Variants in CDH6 observed in about 807,000 individuals in gnomAD.
CDH6 encodes the protein cadherin 6.
A neutral mutation model predicts 78.0 loss-of-function variants in CDH6; 31 were observed. That is an observed-to-expected ratio of 0.40 (90% CI 0.30 to 0.54). The LOEUF (loss-of-function observed/expected upper bound fraction) is 0.54. Ranked by LOEUF, CDH6 falls within the 20% of genes least tolerant of loss-of-function variation. The probability of loss-of-function intolerance (pLI) is 0.56; values close to 1 mark genes in which losing one functional copy is unlikely to be tolerated. For missense variants in CDH6, 724 were observed against 975.9 expected, an observed-to-expected ratio of 0.74 and a Z score of 3.44; for synonymous variants, 376 against 368.8, an observed-to-expected ratio of 1.02 and a Z score of -0.23.
intron 1 of CDH6, among the ~76,000 whole-genome samples, chr5:31,224,991 T>TG (rs1386909228): frequency 6.6e-6 from 1 of 152,228 alleles, no homozygotes; most frequent in Non-Finnish European, 1.5e-5. Context: ...CATTTGGCAA[T>TG]ACCTGGAGGC....
intron 3 of CDH6, among the ~76,000 whole-genome samples, chr5:31,295,476 A>T (rs1409129335): frequency 2.6e-5 from 4 of 152,172 alleles, no homozygotes; most frequent in Non-Finnish European, 5.9e-5. Flanking sequence ...GCCATTATAG[A>T]ATTAAATTTG....
intron 1 of CDH6, among the ~76,000 whole-genome samples, chr5:31,208,678 T>A (rs957267015): frequency 4.9e-4 from 74 of 152,350 alleles, no homozygotes; most frequent in African/African-American, 1.7e-3. Flanking sequence ...TTTAGTTTGT[T>A]ATCAACCCAT....
intron 1 of CDH6, among the ~76,000 whole-genome samples, chr5:31,247,043 AC>A (rs1741771341): frequency 6.6e-6 from 1 of 152,116 alleles, no homozygotes; most frequent in Admixed American, 6.5e-5. Context: ...GAGCTACCGC[AC>A]CCGGCCTAAA....
chr5:31,253,526 A>T (rs1190602304), intron 1 of CDH6, among the ~76,000 whole-genome samples: 1 of 152,120 alleles, frequency 6.6e-6, no homozygotes, highest in Non-Finnish European at 1.5e-5. Flanking sequence ...GCAGAGTGAG[A>T]ACAGAGTAAT....
intron 1 of CDH6, among the ~76,000 whole-genome samples, chr5:31,195,111 T>C (rs563021932): frequency 2.0e-5 from 3 of 152,062 alleles, no homozygotes; most frequent in South Asian, 2.1e-4. Flanking sequence ...TAAATGATGA[T>C]AGTCATACTA....
At position 31,299,561 on chromosome 5, in the gene CDH6, A is replaced by G. The variant is rs1353283438; in HGVS notation, c.741A>G (p.Gly247=). ...QAKDMGGQMG[G]LSGTTTVNIT... ...AGGATATGGGCGGCCAGATGGGAGG[A>G]TTATCTGGGACCACCACCGTGAACA... Residue 247 remains glycine (G), a synonymous_variant, in exon 5 of 12, where the codon GGA becomes GGG. Transcript: ENST00000265071. 1 of 1,613,592 alleles carries G rather than the reference A, an allele frequency of 6.2e-7. No individual in the cohort carries two copies.
chr5:31,251,113 G>A (rs1741897059), intron 1 of CDH6: 1 of 152,210 alleles, frequency 6.6e-6, no homozygotes, highest in African/African-American at 2.4e-5. Flanking sequence ...GACAAACAAT[G>A]CACACACTGT....
intron 1 of CDH6, chr5:31,251,251 A>G (rs1561042829): frequency 6.6e-6 from 1 of 152,210 alleles, no homozygotes; most frequent in South Asian, 2.1e-4. Flanking sequence ...GATTGTTGCA[A>G]AGCTCTCTAC....
chr5:31,199,738 C>T (rs1247806418), intron 1 of CDH6, among the ~76,000 whole-genome samples: 7 of 127,826 alleles, frequency 5.5e-5, no homozygotes, highest in African/African-American at 2.0e-4. Context: ...AAAGCACTCA[C>T]CAGTATCTTG....
At chr5:31,246,565 T>C (rs1163643209) in intron 1 of CDH6, among the ~76,000 whole-genome samples, 2 of 152,126 alleles carry the variant, frequency 1.3e-5, no homozygotes, top group African/African-American at 4.8e-5. Context: ...AAGCCCAGGA[T>C]TGTGCAAGAG....
At chr5:31,254,269 T>G (rs1399551866) in intron 1 of CDH6, among the ~76,000 whole-genome samples, 2 of 152,194 alleles carry the variant, frequency 1.3e-5, no homozygotes, top group African/African-American at 4.8e-5. Context: ...TACCAGCCAT[T>G]TGGAAATGCC....
intron 2 of CDH6, among the ~76,000 whole-genome samples, chr5:31,271,801 G>A (rs77309615): frequency 6.6e-6 from 1 of 152,248 alleles, no homozygotes; most frequent in African/African-American, 2.4e-5. Flanking sequence ...CAATCTGAAT[G>A]AATCAGAAAT....
chr5:31,256,485 C>T (rs927134092), intron 1 of CDH6, among the ~76,000 whole-genome samples: 2 of 152,128 alleles, frequency 1.3e-5, no homozygotes, highest in African/African-American at 4.8e-5. Flanking sequence ...AGTGTAACTC[C>T]GACTCCATGG....
At chr5:31,286,554 T>G (rs1743016597) in intron 2 of CDH6, among the ~76,000 whole-genome samples, 1 of 151,924 alleles carries the variant, frequency 6.6e-6, no homozygotes, top group African/African-American at 2.4e-5. Context: ...CCAGGAGAGT[T>G]AAGGGGAGAA....
intron 1 of CDH6, among the ~76,000 whole-genome samples, chr5:31,262,659 C>T (rs974682709): frequency 1.3e-5 from 2 of 152,172 alleles, no homozygotes; most frequent in African/African-American, 4.8e-5. Context: ...GGTTCAACAT[C>T]TACTTCGTTT....
At chr5:31,229,327 A>G (rs1741249271) in intron 1 of CDH6, among the ~76,000 whole-genome samples, 1 of 152,242 alleles carries the variant, frequency 6.6e-6, no homozygotes, top group Non-Finnish European at 1.5e-5. Context: ...CATACTGGTT[A>G]GAAATTAAAT....
chr5:31,286,611 G>A (rs1743018544), intron 2 of CDH6, among the ~76,000 whole-genome samples: 1 of 152,208 alleles, frequency 6.6e-6, no homozygotes, highest in African/African-American at 2.4e-5. Flanking sequence ...GCCGTGCCGG[G>A]CTTTGGAGGC....
chr5:31,324,469 G>C lies in CDH6; in HGVS notation c.*1161G>C. 2.8e-5 allele frequency: 6 copies of C among 213,876 alleles called. No individual in the cohort carries two copies. The highest frequency in any genetic ancestry group is 5.7e-5 in the Non-Finnish European group (6 of 105,950). The allele number at this position is 213,876 out of a possible 1,614,324, so 13.2% of individuals were successfully genotyped here. A position where few individuals can be genotyped will look rare whatever the true frequency, so the allele number is the denominator to read the frequency against. On this transcript the variant is annotated 3_prime_UTR_variant, in exon 12 of 12. Transcript: ENST00000265071. ...GATACATTTGGATAAACAACATTGAGATTATGATGAAAACCTACATATTCC... is the reference window on the plus strand; with the variant it reads ...GATACATTTGGATAAACAACATTGACATTATGATGAAAACCTACATATTCC...
At chr5:31,228,267 G>C (rs2111846489) in intron 1 of CDH6, among the ~76,000 whole-genome samples, 1 of 152,220 alleles carries the variant, frequency 6.6e-6, no homozygotes, top group East Asian at 1.9e-4. Flanking sequence ...CACAGCTCAA[G>C]ATCCTTAACC....
Sources: allele counts gnomAD v4.1 joint callset (sites outside exome capture counted in the v4.1 genomes callset), GRCh38; gene constraint gnomAD v4.1.1; transcripts MANE v1.5; gene names NCBI Gene and HGNC (gene_info 2026-07-23, HGNC 2026-07-21).